HEMK2: variants seen among roughly 807,000 people sequenced by gnomAD.
HEMK2 encodes the protein methyltransferase HEMK2.
chr21:28,866,234 G>A, the HEMK2 span, among the ~76,000 whole-genome samples: 1 of 149,794 alleles, frequency 6.7e-6, no homozygotes, highest in African/African-American at 2.5e-5. Context: ...CCAGCTACTA[G>A]GGAAACTGAG....
chr21:28,601,707 G>A, the HEMK2 span, among the ~76,000 whole-genome samples: 1 of 151,052 alleles, frequency 6.6e-6, no homozygotes, highest in Non-Finnish European at 1.5e-5. Context: ...CAAGGAGCAA[G>A]GAGATTTTCC....
chr21:28,795,920 G>A, the HEMK2 span, among the ~76,000 whole-genome samples: 1 of 152,184 alleles, frequency 6.6e-6, no homozygotes, highest in Non-Finnish European at 1.5e-5. Context: ...ATGATCAGCA[G>A]TTTGACTGTT....
At chr21:28,635,400 A>G in the HEMK2 span, among the ~76,000 whole-genome samples, 2 of 152,106 alleles carry the variant, frequency 1.3e-5, no homozygotes, top group Non-Finnish European at 2.9e-5. Context: ...CTATTAAGTA[A>G]TAATCAAGTC....
chr21:28,627,167 A>C, the HEMK2 span, among the ~76,000 whole-genome samples: 6 of 152,226 alleles, frequency 3.9e-5, no homozygotes, highest in African/African-American at 1.4e-4. Flanking sequence ...TTCCGTATAT[A>C]TGAGATTCTA....
the HEMK2 span, among the ~76,000 whole-genome samples, chr21:28,645,609 C>G: frequency 6.6e-6 from 1 of 151,908 alleles, no homozygotes; most frequent in African/African-American, 2.4e-5. Context: ...GGTCTGAATG[C>G]TTGCATCTCC....
the HEMK2 span, among the ~76,000 whole-genome samples, chr21:28,630,909 C>T: frequency 6.6e-6 from 1 of 151,716 alleles, no homozygotes; most frequent in Non-Finnish European, 1.5e-5. Context: ...TGCACATGTA[C>T]CCTAAAACTT....
the HEMK2 span, among the ~76,000 whole-genome samples, chr21:28,832,877 G>A: frequency 1.3e-5 from 2 of 152,178 alleles, no homozygotes; most frequent in Non-Finnish European, 2.9e-5. Flanking sequence ...AATATTTCTG[G>A]AGTAACACCC....
At chr21:28,851,730 C>T in the HEMK2 span, among the ~76,000 whole-genome samples, 2 of 152,158 alleles carry the variant, frequency 1.3e-5, no homozygotes, top group African/African-American at 4.8e-5. Flanking sequence ...ATGTAATAGA[C>T]CAGTGTTATA....
chr21:28,697,799 AT>A, the HEMK2 span, among the ~76,000 whole-genome samples: 2 of 151,000 alleles, frequency 1.3e-5, no homozygotes, highest in South Asian at 2.1e-4. Context: ...AAAAAAAAAA[AT>A]CTTTTCTTTA....
At chr21:28,579,467 C>T in the HEMK2 span, among the ~76,000 whole-genome samples, 1 of 151,938 alleles carries the variant, frequency 6.6e-6, no homozygotes. Context: ...ATTATTTTAC[C>T]TTTCTGGAAG....
chr21:28,635,848 C>T, the HEMK2 span, among the ~76,000 whole-genome samples: 6 of 152,148 alleles, frequency 3.9e-5, no homozygotes, highest in East Asian at 9.7e-4. Context: ...TATGCTAGGC[C>T]CTGGGCACGT....
chr21:28,678,783 C>A, the HEMK2 span, among the ~76,000 whole-genome samples: 1 of 152,164 alleles, frequency 6.6e-6, no homozygotes, highest in Non-Finnish European at 1.5e-5. Context: ...AATTTCATAT[C>A]CAGCCAAACT....
chr21:28,885,207 C>T, the HEMK2 span: 1 of 1,568,522 alleles, frequency 6.4e-7, no homozygotes, highest in South Asian at 1.1e-5. Flanking sequence ...CTCCCCTCCT[C>T]GCACCCTGCC....
chr21:28,783,313 T>C, the HEMK2 span, among the ~76,000 whole-genome samples: 4 of 152,042 alleles, frequency 2.6e-5, no homozygotes, highest in Non-Finnish European at 4.4e-5. Context: ...GCCTCCCAAG[T>C]AGCTGGGATT....
the HEMK2 span, among the ~76,000 whole-genome samples, chr21:28,648,711 G>A: frequency 3.7e-4 from 56 of 152,286 alleles, no homozygotes; most frequent in African/African-American, 1.3e-3. Flanking sequence ...CAATGGCAGA[G>A]CAAGAAGCAA....
chr21:28,766,713 G>A, the HEMK2 span, among the ~76,000 whole-genome samples: 1 of 152,084 alleles, frequency 6.6e-6, no homozygotes, highest in Non-Finnish European at 1.5e-5. Flanking sequence ...ACAACTTGAA[G>A]AGAGCTGGAG....
At chr21:28,726,695 G>A in the HEMK2 span, among the ~76,000 whole-genome samples, 1 of 152,002 alleles carries the variant, frequency 6.6e-6, no homozygotes, top group Non-Finnish European at 1.5e-5. Context: ...ATCACTTGAG[G>A]TCAGGAGTTC....
the HEMK2 span, among the ~76,000 whole-genome samples, chr21:28,585,097 T>C: frequency 6.6e-6 from 1 of 152,068 alleles, no homozygotes; most frequent in Admixed American, 6.6e-5. Flanking sequence ...TTGGGGAGGC[T>C]AAGGCAGGTG....
At chr21:28,690,440 A>G in the HEMK2 span, among the ~76,000 whole-genome samples, 3 of 152,234 alleles carry the variant, frequency 2.0e-5, no homozygotes, top group Non-Finnish European at 2.9e-5. Context: ...TATGAGACTC[A>G]TAGCAGAGAA....
Sources: allele counts gnomAD v4.1 joint callset (sites outside exome capture counted in the v4.1 genomes callset), GRCh38; gene constraint gnomAD v4.1.1; transcripts MANE v1.5; gene names NCBI Gene and HGNC (gene_info 2026-07-23, HGNC 2026-07-21).